The following IGFBP7 variants were observed in gnomAD, a reference collection of about 807,000 sequenced individuals.
IGFBP7 encodes insulin-like growth factor-binding protein 7.
In IGFBP7, 31 loss-of-function variants were observed where a neutral mutation model predicts 29.4. The ratio of observed to expected loss-of-function variants is 1.05; its 90% CI spans 0.79 to 1.42. The LOEUF is 1.42. Among genes scored for constraint, IGFBP7 ranks in the 40% most tolerant of loss-of-function variants. IGFBP7 has a pLI of 0.00. For missense variants in IGFBP7, 393 were observed against 395.5 expected, an observed-to-expected ratio of 0.99 and a Z score of 0.05; for synonymous variants, 172 against 174.9, an observed-to-expected ratio of 0.98 and a Z score of 0.13.
chr4:57,077,115 G>A (rs1312812961), intron 1 of IGFBP7, among the ~76,000 whole-genome samples: 1 of 97,724 alleles, frequency 1.0e-5, no homozygotes, highest in African/African-American at 3.5e-5. Context: ...AGTATAGTGT[G>A]GAAACAGAAA....
rs544192291 is a variant in IGFBP7 at position 57,048,658 on chromosome 4, A to G, written c.476-7725T>C. Among the ~76,000 whole-genome samples the G allele has an allele frequency of 5.6e-4, 86 of 152,344 alleles. 1 individual carries two copies. Among genetic ancestry groups the G allele is most frequent in the African/African-American group, 1.8e-3 (75 of 41,588 alleles). ...TATAAAGTCTTGGTAGTGAGGACAG[A>G]GTTAAAATGTGTTATCCTATAAAAA... On this transcript the variant is annotated intron_variant, in intron 1 of 4. Transcript: ENST00000295666.
At chr4:57,092,974 T>C (rs1725675000) in intron 1 of IGFBP7, among the ~76,000 whole-genome samples, 1 of 152,050 alleles carries the variant, frequency 6.6e-6, no homozygotes, top group Non-Finnish European at 1.5e-5. Flanking sequence ...TAAATACATA[T>C]GGTTAGTATG....
chr4:57,077,124 A>C (rs1193832638), intron 1 of IGFBP7, among the ~76,000 whole-genome samples: 2 of 89,138 alleles, frequency 2.2e-5, no homozygotes, highest in African/African-American at 3.7e-5. Context: ...TGGAAACAGA[A>C]AAACAAAAAA....
Position 57,031,114 on chromosome 4 carries a change from C to T in IGFBP7, c.*203G>A. 5.5e-6 allele frequency: 4 copies of T among 722,334 alleles called. No individual in the cohort carries two copies. Among genetic ancestry groups the T allele is most frequent in the Admixed American group, 2.6e-5 (1 of 38,840 alleles). The allele number at this position is 722,334 out of a possible 1,614,324, so 44.7% of individuals were successfully genotyped here. On this transcript the variant is annotated 3_prime_UTR_variant, in exon 5 of 5. Transcript: ENST00000295666. ...AGTATTTTATTTGTTTAATGATATGCATGCTTTTCTTCTGTAAATATATAA... is the reference window on the plus strand; with the variant it reads ...AGTATTTTATTTGTTTAATGATATGTATGCTTTTCTTCTGTAAATATATAA...
At chr4:57,073,234 GTATTAT>G (rs58332055) in intron 1 of IGFBP7, 442,408 of 526,934 alleles carry the variant, frequency 0.84, 187,568 homozygotes, top group Admixed American at 0.9. Flanking sequence ...TTGAGCTGTG[GTATTAT>G]TATTATTATT....
chr4:57,082,826 T>G (rs1335767940), intron 1 of IGFBP7, among the ~76,000 whole-genome samples: 1 of 152,164 alleles, frequency 6.6e-6, no homozygotes, highest in African/African-American at 2.4e-5. Context: ...AAGTTTTATT[T>G]TAAGACACAG....
At chr4:57,074,015 C>A (rs963817959) in intron 1 of IGFBP7, among the ~76,000 whole-genome samples, 1 of 151,984 alleles carries the variant, frequency 6.6e-6, no homozygotes, top group South Asian at 2.1e-4. Context: ...CTCTGCCCAT[C>A]GTACTTTCCT....
chr4:57,044,343 A>C (rs1724308029), intron 1 of IGFBP7, among the ~76,000 whole-genome samples: 1 of 152,132 alleles, frequency 6.6e-6, no homozygotes. Flanking sequence ...TTTAAAACAG[A>C]TGTTCTTAGT....
chr4:57,054,647 A>G, intron 1 of IGFBP7, among the ~76,000 whole-genome samples: 1 of 13,992 alleles, frequency 7.1e-5, no homozygotes, highest in Non-Finnish European at 2.1e-4. Context: ...CACAAAAAAA[A>G]AAAAAAAAAA....
Position 57,032,550 on chromosome 4 carries a change from T to C in IGFBP7, c.705A>G (p.Val235=), listed in dbSNP as rs776121677. The C allele has an allele frequency of 3.1e-6, 5 of 1,612,084 alleles. No individual in the cohort carries two copies. Among genetic ancestry groups the C allele is most frequent in the Non-Finnish European group, 2.5e-6 (3 of 1,178,104 alleles). The part of the protein sequence containing the change: ...EKHEVTGWVL[V]SPLSKEDAGE... ...CAGCATCTTCCTTACTTAGAGGAGA[T>C]ACCTGTGAAAGAAAAAAGATCTAGT... The change falls in exon 4 of 5, where the codon GTA becomes GTG. Residue 235 remains valine (V), a splice_region_variant and synonymous_variant. Transcript: ENST00000295666.
intron 1 of IGFBP7, among the ~76,000 whole-genome samples, chr4:57,046,369 A>G (rs1724362309): frequency 1.3e-5 from 2 of 152,132 alleles, no homozygotes; most frequent in African/African-American, 4.8e-5. Context: ...ATGACTCTGT[A>G]CCAAATAACT....
intron 1 of IGFBP7, among the ~76,000 whole-genome samples, chr4:57,063,617 A>G (rs1330560604): frequency 6.6e-6 from 1 of 152,236 alleles, no homozygotes; most frequent in Non-Finnish European, 1.5e-5. Context: ...ATAGCTAGCT[A>G]TGACTACTTT....
At chr4:57,033,045 A>G (rs1723980051) in intron 3 of IGFBP7, 150 bp downstream of exon 3, 2 of 731,306 alleles carry the variant, frequency 2.7e-6, no homozygotes, top group East Asian at 2.5e-5. Context: ...TCTCTGAAAG[A>G]GGAGCAGCGA....
At position 57,057,274 on chromosome 4, in the gene IGFBP7, C is replaced by T. The variant is rs559456576; in HGVS notation, c.476-16341G>A. ...ATCCCCCTGCCTTGGCCTCCCAAAGCGTTGGGATTACATGTGTGAGCCAGT... is the reference window on the plus strand; with the variant it reads ...ATCCCCCTGCCTTGGCCTCCCAAAGTGTTGGGATTACATGTGTGAGCCAGT... On this transcript the variant is annotated intron_variant, in intron 1 of 4. Transcript: ENST00000295666. Among the ~76,000 whole-genome samples the T allele has an allele frequency of 1.2e-4, 19 of 152,266 alleles. No homozygotes were observed. The South Asian group carries it at 1.4e-3, about 12-fold the overall frequency.
chr4:57,110,171 G>A lies in IGFBP7; in HGVS notation c.181C>T (p.Pro61Ser), dbSNP rs1361563463. 7.1e-7 allele frequency: 1 copy of A among 1,410,384 alleles called. No individual in the cohort carries two copies. Among genetic ancestry groups the A allele is most frequent in the African/African-American group, 1.5e-5 (1 of 66,388 alleles). The allele number at this position is 1,410,384 out of a possible 1,614,324, so 87.4% of individuals were successfully genotyped here. ...TCGCCCTCGCCGCGGGCGCACATAG[G>A]GCAGCAGCCGCACGCGTCGCGGGTC... is the stretch of plus-strand genomic sequence containing the variant. ...GETRDACGCC[P>S]MCARGEGEPC... The change falls in exon 1 of 5, where the codon CCT (proline) becomes TCT (serine). Residue 61 changes from proline to serine, a missense_variant. Pro to Ser is a moderately conservative substitution (Grantham distance 74). Transcript: ENST00000295666.
At chr4:57,085,392 CTTTT>C (rs1725474087) in intron 1 of IGFBP7, among the ~76,000 whole-genome samples, 1 of 152,068 alleles carries the variant, frequency 6.6e-6, no homozygotes, top group South Asian at 2.1e-4. Flanking sequence ...AATTTTCCTC[CTTTT>C]AACCTCCTAG....
chr4:57,097,819 T>G (rs1725796730), intron 1 of IGFBP7, among the ~76,000 whole-genome samples: 1 of 152,158 alleles, frequency 6.6e-6, no homozygotes. Context: ...TTAACCACTC[T>G]GCTTTATTTC....
chr4:57,083,696 T>C (rs1435124139), intron 1 of IGFBP7, among the ~76,000 whole-genome samples: 1 of 152,210 alleles, frequency 6.6e-6, no homozygotes, highest in Non-Finnish European at 1.5e-5. Context: ...GCGTGGCACA[T>C]AGTATGTTCT....
chr4:57,096,139 A>G (rs2109799791), intron 1 of IGFBP7, among the ~76,000 whole-genome samples: 1 of 151,770 alleles, frequency 6.6e-6, no homozygotes, highest in Admixed American at 6.6e-5. Flanking sequence ...AAATACCAAC[A>G]AAACTGACAT....
Sources: allele counts gnomAD v4.1 joint callset (sites outside exome capture counted in the v4.1 genomes callset), GRCh38; gene constraint gnomAD v4.1.1; transcripts MANE v1.5; gene names NCBI Gene and HGNC (gene_info 2026-07-23, HGNC 2026-07-21).